The following OR51A7 variants were observed in gnomAD, a reference collection of about 807,000 sequenced individuals.
OR51A7 encodes the protein olfactory receptor family 51 subfamily A member 7, also known as olfactory receptor 51A7.
For synonymous variants in OR51A7, 143 were observed against 135.5 expected (o/e 1.05, Z -0.38); for missense variants, 409 against 374.5 (o/e 1.09, Z -0.76).
rs377476097 is a variant in OR51A7 at position 4,907,767 on chromosome 11, G to A, written c.398G>A (p.Ser133Asn). ...GCCATTCACAATCCCTTAAGATACA[G>A]TTCTATCCTCACTAGCAACAGGGTT... ...FLAIHNPLRY[S>N]SILTSNRVAK... Residue 133 changes from serine to asparagine, a missense_variant, in exon 2 of 2, where the codon AGT becomes AAT. Transcript: ENST00000641490. 3 of 1,613,896 alleles carry A rather than the reference G, an allele frequency of 1.9e-6. No individual in the cohort carries two copies. The African/African-American group carries it at 4.0e-5, about 22-fold the overall frequency.
chr11:4,907,412 A>T lies in OR51A7; in HGVS notation c.43A>T (p.Ile15Phe), dbSNP rs1157305505. ...NNSEVKLFLL[I>F]GIPGLEHAHI... ...CTCCGAAGTCAAGCTTTTCCTTCTG[A>T]TTGGGATCCCAGGACTGGAACATGC... The change falls in exon 2 of 2, where the codon ATT becomes TTT. Residue 15 changes from isoleucine to phenylalanine, a missense_variant. By Grantham distance (21) the Ile-to-Phe change is conservative. Transcript: ENST00000641490. 1 of 1,613,810 alleles carries T rather than the reference A, an allele frequency of 6.2e-7. No individual in the cohort carries two copies. Among genetic ancestry groups the T allele is most frequent in the East Asian group, 2.2e-5 (1 of 44,826 alleles).
rs1166096481 is a variant in OR51A7 at position 4,907,948 on chromosome 11, G to T, written c.579G>T (p.Lys193Asn). 1 of 1,614,106 alleles carries T rather than the reference G, an allele frequency of 6.2e-7. No homozygotes were observed. The highest frequency in any genetic ancestry group is 8.5e-7 in the Non-Finnish European group (1 of 1,180,002). Residue 193 changes from lysine (K) to asparagine (N), a missense_variant, in exon 2 of 2, where the codon AAG becomes AAT. Physicochemically the swap from Lys to Asn is moderately conservative, Grantham distance 94. Coordinates refer to ENST00000641490, the MANE Select transcript of OR51A7 (RefSeq NM_001004749.2). ...DTMKLACSDNKTNVIYGFFIA... is the reference protein window; with the variant it reads ...DTMKLACSDNNTNVIYGFFIA... ...TGAAGCTGGCCTGCTCTGACAACAA[G>T]ACCAATGTCATCTATGGCTTCTTCA...
Position 4,907,679 on chromosome 11 carries a change from A to C in OR51A7, c.310A>C (p.Ile104Leu). 1 of 1,613,990 alleles carries C rather than the reference A, an allele frequency of 6.2e-7. No homozygotes were observed. Reference protein sequence around the residue: ...PNACFAQEFFIHGFTVMESSV... With the variant: ...PNACFAQEFFLHGFTVMESSV... ...TGCCTGCTTTGCTCAAGAATTCTTC[A>C]TTCATGGATTCACTGTCATGGAATC... Residue 104 changes from isoleucine (I) to leucine (L), a missense_variant, in exon 2 of 2, where the codon ATT (isoleucine) becomes CTT (leucine). Transcript: ENST00000641490.
At chr11:4,904,886 G>C (rs931868611) in intron 1 of OR51A7, among the ~76,000 whole-genome samples, 5 of 152,108 alleles carry the variant, frequency 3.3e-5, no homozygotes, top group Admixed American at 6.6e-5. Flanking sequence ...GATACATGGG[G>C]ATAAATAAAA....
chr11:4,905,072 G>T (rs1206433537), intron 1 of OR51A7, among the ~76,000 whole-genome samples: 1 of 152,032 alleles, frequency 6.6e-6, no homozygotes, highest in South Asian at 2.1e-4. Flanking sequence ...AGCAAAAGAC[G>T]AAAATAAAAA....
intron 1 of OR51A7, among the ~76,000 whole-genome samples, chr11:4,906,028 A>T (rs1035526556): frequency 5.3e-5 from 8 of 152,186 alleles, no homozygotes; most frequent in African/African-American, 1.9e-4. Context: ...CAGAGATATA[A>T]GATTAAATAA....
rs892699089 is a variant in OR51A7 at position 4,908,623 on chromosome 11, T to A, written c.*315T>A. 2.6e-6 allele frequency: 1 copy of A among 389,848 alleles called. No individual in the cohort carries two copies. The highest frequency in any genetic ancestry group is 4.8e-6 in the Non-Finnish European group (1 of 208,944). The allele number at this position is 389,848 out of a possible 1,614,324, so 24.1% of individuals were successfully genotyped here. The stretch of plus-strand genomic sequence containing the variant: ...TGGGCAGATTGAGATTACCATTCAG[T>A]TAGTATCTATTAAAAATACAGATGA... On this transcript the variant is annotated 3_prime_UTR_variant, in exon 2 of 2. Transcript: ENST00000641490.
Position 4,907,681 on chromosome 11 carries a change from T to C in OR51A7, c.312T>C (p.Ile104=), listed in dbSNP as rs1850920831. Reference sequence around the variant, plus strand: ...CCTGCTTTGCTCAAGAATTCTTCATTCATGGATTCACTGTCATGGAATCCT... The same window carrying C: ...CCTGCTTTGCTCAAGAATTCTTCATCCATGGATTCACTGTCATGGAATCCT... ...PNACFAQEFF[I]HGFTVMESSV... Residue 104 remains isoleucine, a synonymous_variant, in exon 2 of 2, where the codon ATT becomes ATC. Transcript: ENST00000641490. 2 of 1,613,936 alleles carry C rather than the reference T, an allele frequency of 1.2e-6. No homozygotes were observed. The highest frequency in any genetic ancestry group is 1.7e-6 in the Non-Finnish European group (2 of 1,179,990).
At chr11:4,906,050 T>C (rs1484223640) in intron 1 of OR51A7, among the ~76,000 whole-genome samples, 2 of 152,170 alleles carry the variant, frequency 1.3e-5, no homozygotes, top group African/African-American at 2.4e-5. Context: ...CCAATCAAGA[T>C]GGATAAGATT....
chr11:4,908,422 C>A lies in OR51A7; in HGVS notation c.*114C>A. The A allele has an allele frequency of 1.2e-6, 1 of 854,398 alleles. No homozygotes were observed. Among genetic ancestry groups the A allele is most frequent in the African/African-American group, 1.7e-5 (1 of 59,880 alleles). The allele number at this position is 854,398 out of a possible 1,614,324, so 52.9% of individuals were successfully genotyped here. ...AGGACTGGATGATGGAAGTGAAAAGCTATGTAGTGCAGAATTTATAATAAA... is the reference window on the plus strand; with the variant it reads ...AGGACTGGATGATGGAAGTGAAAAGATATGTAGTGCAGAATTTATAATAAA... On this transcript the variant is annotated 3_prime_UTR_variant, in exon 2 of 2. Transcript: ENST00000641490.
At chr11:4,906,217 T>C (rs1414477107) in intron 1 of OR51A7, among the ~76,000 whole-genome samples, 1 of 152,330 alleles carries the variant, frequency 6.6e-6, no homozygotes, top group East Asian at 1.9e-4. Flanking sequence ...AAAGTACTTA[T>C]CCACTGCTCC....
At position 4,907,341 on chromosome 11, in the gene OR51A7, C is replaced by T. The variant is rs1388710547; in HGVS notation, c.-29C>T. The T allele has an allele frequency of 6.9e-7, 1 of 1,443,020 alleles. No homozygotes were observed. 89.4% of individuals were successfully genotyped at this position (1,443,020 alleles called of 1,614,324 possible). A position where few individuals can be genotyped will look rare whatever the true frequency, so the allele number is the denominator to read the frequency against. ...GCTTTTCATTTATATGGTTTCAGAT[C>T]CGGCTAACGAGCTCATATCTCCCTC... On this transcript the variant is annotated splice_region_variant and 5_prime_UTR_variant, in exon 2 of 2. Transcript: ENST00000641490.
intron 1 of OR51A7, among the ~76,000 whole-genome samples, chr11:4,907,087 ACTCCCTCT>A: frequency 8.4e-6 from 1 of 119,610 alleles, no homozygotes. Flanking sequence ...CAAGAGCAAA[ACTCCCTCT>A]AAAAAAAAAA....
intron 1 of OR51A7, among the ~76,000 whole-genome samples, chr11:4,904,916 A>G (rs1429853562): frequency 6.6e-6 from 1 of 152,130 alleles, no homozygotes; most frequent in Non-Finnish European, 1.5e-5. Flanking sequence ...ACCTTTTAAC[A>G]TGGAGTAGTC....
intron 1 of OR51A7, among the ~76,000 whole-genome samples, chr11:4,905,419 T>C (rs1340716176): frequency 6.6e-6 from 1 of 152,128 alleles, no homozygotes; most frequent in Non-Finnish European, 1.5e-5. Context: ...TACTATGTAC[T>C]TTTTTCAATT....
At chr11:4,905,533 G>A (rs1850872257) in intron 1 of OR51A7, among the ~76,000 whole-genome samples, 1 of 152,136 alleles carries the variant, frequency 6.6e-6, no homozygotes, top group South Asian at 2.1e-4. Flanking sequence ...ACTGAAGGTT[G>A]ATGACTTTTT....
Position 4,907,563 on chromosome 11 carries a change from T to A in OR51A7, c.194T>A (p.Met65Lys). Residue 65 changes from methionine (M) to lysine (K), a missense_variant, in exon 2 of 2, where the codon ATG (methionine) becomes AAG (lysine). Physicochemically the swap from Met to Lys is moderately conservative, Grantham distance 95. Coordinates refer to ENST00000641490, the MANE Select transcript of OR51A7 (RefSeq NM_001004749.2). Reference protein sequence around the residue: ...LHEPMYYFLAMLAVSDMGLSL... With the variant: ...LHEPMYYFLAKLAVSDMGLSL... ...GAGCCCATGTATTATTTCCTTGCCATGTTGGCTGTCTCTGACATGGGCCTG... is the reference window on the plus strand; with the variant it reads ...GAGCCCATGTATTATTTCCTTGCCAAGTTGGCTGTCTCTGACATGGGCCTG... 6.2e-7 allele frequency: 1 copy of A among 1,614,090 alleles called. No individual in the cohort carries two copies. The highest frequency in any genetic ancestry group is 8.5e-7 in the Non-Finnish European group (1 of 1,179,992).
rs1564804756 is a variant in OR51A7 at position 4,908,035 on chromosome 11, GA to G, written c.667del (p.Thr223LeufsTer15). On this transcript the variant is annotated frameshift_variant, in exon 2 of 2. Coordinates refer to ENST00000641490, the MANE Select transcript of OR51A7 (RefSeq NM_001004749.2). LOFTEE classifies it low-confidence loss of function (END_TRUNC). ...TTTTGTCTTATGTGCTGATCTTGAA[GA>G]CTATACTCAGCATTGCATCTTTGGC... ...IVLSYVLILKTILSIASLAER... is the reference protein window; with the variant it reads ...IVLSYVLILKXILSIASLAER... The G allele has an allele frequency of 6.2e-7, 1 of 1,614,108 alleles. No homozygotes were observed. The highest frequency in any genetic ancestry group is 2.2e-5 in the East Asian group (1 of 44,880).
chr11:4,907,580 A>C lies in OR51A7; in HGVS notation c.211A>C (p.Met71Leu), dbSNP rs200603348. The C allele has an allele frequency of 6.2e-7, 1 of 1,614,046 alleles. No individual in the cohort carries two copies. The highest frequency in any genetic ancestry group is 1.1e-5 in the South Asian group (1 of 91,070). Residue 71 changes from methionine to leucine, a missense_variant, in exon 2 of 2, where the codon ATG becomes CTG. Transcript: ENST00000641490. ...YFLAMLAVSD[M>L]GLSLSSLPTM... is the part of the protein sequence containing the mutation. ...CCTTGCCATGTTGGCTGTCTCTGACATGGGCCTGTCCCTCTCCTCCCTTCC... is the reference window on the plus strand; with the variant it reads ...CCTTGCCATGTTGGCTGTCTCTGACCTGGGCCTGTCCCTCTCCTCCCTTCC...
Sources: allele counts gnomAD v4.1 joint callset (sites outside exome capture counted in the v4.1 genomes callset), GRCh38; gene constraint gnomAD v4.1.1; transcripts MANE v1.5; gene names NCBI Gene and HGNC (gene_info 2026-07-23, HGNC 2026-07-21).